The following TEX15 variants were observed in gnomAD, a reference collection of about 807,000 sequenced individuals.
The protein encoded by TEX15 is testis expressed 15, meiosis and synapsis associated, also known as testis-expressed protein 15.
In TEX15, 171 loss-of-function variants were observed where a neutral mutation model predicts 237.3. That is an observed-to-expected ratio of 0.72 (90% CI 0.64 to 0.82). TEX15 has a LOEUF of 0.82. Ranked by LOEUF, TEX15 falls within the 40% of genes least tolerant of loss-of-function variation. The pLI is 0.00. For missense variants in TEX15, 3,750 were observed against 3,646.5 expected (o/e 1.03, Z -0.73); for synonymous variants, 1,338 against 1,269.8 (o/e 1.05, Z -1.14).
chr8:30,895,285 G>A (rs1373158365), intron 2 of TEX15, among the ~76,000 whole-genome samples: 1 of 120,864 alleles, frequency 8.3e-6, no homozygotes, highest in East Asian at 2.5e-4. Flanking sequence ...GCGACAAAGC[G>A]AGACTCCATC....
chr8:30,836,267 T>C (rs1490164746), intron 10 of TEX15, among the ~76,000 whole-genome samples: 3 of 120,082 alleles, frequency 2.5e-5, no homozygotes, highest in Non-Finnish European at 3.2e-5. Flanking sequence ...CAGGCTGGAG[T>C]GCAGTGGCGG....
At chr8:30,878,648 A>C (rs1415037836) in intron 3 of TEX15, among the ~76,000 whole-genome samples, 1 of 151,916 alleles carries the variant, frequency 6.6e-6, no homozygotes, top group African/African-American at 2.4e-5. Context: ...CAGCCTCCCA[A>C]AGTGCTGGGA....
Position 30,849,037 on chromosome 8 carries a change from T to C in TEX15, c.1130A>G (p.His377Arg). 1 of 1,614,170 alleles carries C rather than the reference T, an allele frequency of 6.2e-7. No homozygotes were observed. The highest frequency in any genetic ancestry group is 8.5e-7 in the Non-Finnish European group (1 of 1,180,024). ...GGGCATAAGTGAAATGTCTGAATCA[T>C]GTGCAAGTACTTGAGAAGTGTCTCT... is the stretch of plus-strand genomic sequence containing the variant. ...EIRDTSQVLA[H>R]DSDISLMPSD... Residue 377 changes from histidine to arginine, a missense_variant, in exon 8 of 11, where the codon CAT becomes CGT. Physicochemically the swap from His to Arg is conservative, Grantham distance 29. Coordinates refer to ENST00000643185, the MANE Select transcript of TEX15 (RefSeq NM_001350162.2).
intron 1 of TEX15, among the ~76,000 whole-genome samples, chr8:30,903,350 G>A (rs1809041091): frequency 6.6e-6 from 1 of 152,180 alleles, no homozygotes; most frequent in Non-Finnish European, 1.5e-5. Context: ...TTTCATCACG[G>A]GGAAAAATCA....
intron 5 of TEX15, among the ~76,000 whole-genome samples, chr8:30,864,340 G>GT (rs1808112517): frequency 6.6e-6 from 1 of 150,902 alleles, no homozygotes; most frequent in Non-Finnish European, 1.5e-5. Flanking sequence ...ACCATCAAGC[G>GT]TAAGAACATA....
intron 10 of TEX15, 126 bp from the exon 11 acceptor site, chr8:30,833,449 T>C (rs1407312411): frequency 1.6e-6 from 1 of 635,742 alleles, no homozygotes; most frequent in African/African-American, 1.9e-5. Flanking sequence ...TGCCCTTAAG[T>C]AGCCATAGGG....
chr8:30,859,538 C>T (rs1210184475), intron 6 of TEX15, among the ~76,000 whole-genome samples: 1 of 152,048 alleles, frequency 6.6e-6, no homozygotes, highest in Non-Finnish European at 1.5e-5. Context: ...TCACCTCACC[C>T]ATCACTTTTT....
chr8:30,903,657 T>C (rs188566597), intron 1 of TEX15, among the ~76,000 whole-genome samples: 1 of 152,338 alleles, frequency 6.6e-6, no homozygotes, highest in Non-Finnish European at 1.5e-5. Context: ...GGATTACCTA[T>C]CCTTCTACAA....
intron 4 of TEX15, among the ~76,000 whole-genome samples, chr8:30,872,190 AC>A (rs773327327): frequency 6.6e-6 from 1 of 152,052 alleles, no homozygotes; most frequent in East Asian, 1.9e-4. Context: ...ATCAATTTCT[AC>A]CCCCAGATTG....
At chr8:30,860,851 G>T (rs1468091585) in intron 5 of TEX15, among the ~76,000 whole-genome samples, 2 of 151,960 alleles carry the variant, frequency 1.3e-5, no homozygotes. Flanking sequence ...GCGCCCAGCC[G>T]AGAATCTACT....
chr8:30,870,608 A>G (rs1211431143), intron 4 of TEX15, among the ~76,000 whole-genome samples: 1 of 152,070 alleles, frequency 6.6e-6, no homozygotes, highest in Non-Finnish European at 1.5e-5. Context: ...AGATAACTTA[A>G]TAATTTTCAA....
At chr8:30,869,724 C>T (rs1037578582) in intron 4 of TEX15, among the ~76,000 whole-genome samples, 1 of 152,002 alleles carries the variant, frequency 6.6e-6, no homozygotes, top group Non-Finnish European at 1.5e-5. Flanking sequence ...CTCCTATCTC[C>T]TTGTGAGTCT....
chr8:30,871,422 C>T (rs1187851640), intron 4 of TEX15, among the ~76,000 whole-genome samples: 1 of 152,072 alleles, frequency 6.6e-6, no homozygotes, highest in Non-Finnish European at 1.5e-5. Flanking sequence ...AAGAAGAAAG[C>T]TGGTAGCAAC....
At chr8:30,862,921 A>G (rs1280684369) in intron 5 of TEX15, among the ~76,000 whole-genome samples, 1 of 152,212 alleles carries the variant, frequency 6.6e-6, no homozygotes, top group Non-Finnish European at 1.5e-5. Flanking sequence ...AGTTGTAAAA[A>G]TAGTTCAGAG....
Position 30,842,491 on chromosome 8 carries a change from T to C in TEX15, c.7676A>G (p.Lys2559Arg), listed in dbSNP as rs1321801913. Residue 2559 changes from lysine (K) to arginine (R), a missense_variant, in exon 8 of 11, where the codon AAG becomes AGG. Lys to Arg is a conservative substitution (Grantham distance 26). Coordinates refer to ENST00000643185, the MANE Select transcript of TEX15 (RefSeq NM_001350162.2). ...GTCAATATATGTGGAAATAAAATAC[T>C]TGGACTTCTTCAGAAGCTTTTTTAT... ...SEIKKLLKKS[K>R]YFISTYIDFV... The C allele has an allele frequency of 6.2e-6, 10 of 1,612,882 alleles. No individual in the cohort carries two copies. The highest frequency in any genetic ancestry group is 4.4e-5 in the South Asian group (4 of 90,872).
chr8:30,847,613 T>C lies in TEX15; in HGVS notation c.2554A>G (p.Asn852Asp). ...NSQLSNDIWLNVNFKKQTDRE... is the reference protein window; with the variant it reads ...NSQLSNDIWLDVNFKKQTDRE... ...TCTGTTTGTTTTTTGAAATTAACAT[T>C]CAGCCATATATCATTGCTTAACTGT... is the stretch of plus-strand genomic sequence containing the variant. The change falls in exon 8 of 11, where the codon AAT (asparagine) becomes GAT (aspartate). Residue 852 changes from asparagine (N) to aspartate (D), a missense_variant. Coordinates refer to ENST00000643185, the MANE Select transcript of TEX15 (RefSeq NM_001350162.2). 1 of 1,613,182 alleles carries C rather than the reference T, an allele frequency of 6.2e-7. No homozygotes were observed. The highest frequency in any genetic ancestry group is 1.1e-5 in the South Asian group (1 of 90,870).
rs529687496 is a variant in TEX15, at chr8:30,899,353, C to G, written c.-85-536G>C. On this transcript the variant is annotated intron_variant, in intron 1 of 10. Transcript: ENST00000643185. Reference sequence around the variant, plus strand: ...GACTCAGAAAGGTTAAGAAACTTATCCGAGGTAACCAAACTGGTAAGTTGG... The same window carrying G: ...GACTCAGAAAGGTTAAGAAACTTATGCGAGGTAACCAAACTGGTAAGTTGG... Among the ~76,000 whole-genome samples the G allele has an allele frequency of 2.0e-5, 3 of 152,220 alleles. No homozygotes were observed. In the South Asian group the frequency reaches 6.2e-4, roughly 32 times the overall value.
chr8:30,844,635 C>T lies in TEX15; in HGVS notation c.5532G>A (p.Thr1844=), dbSNP rs776320472. The T allele has an allele frequency of 6.2e-6, 10 of 1,613,206 alleles. No individual in the cohort carries two copies. The highest frequency in any genetic ancestry group is 2.2e-5 in the East Asian group (1 of 44,874). ...CTTTTTCCGCTTGTTTAACTTTCCACGTTATTCTGTCCTCAGTGTCTTTCT... is the reference window on the plus strand; with the variant it reads ...CTTTTTCCGCTTGTTTAACTTTCCATGTTATTCTGTCCTCAGTGTCTTTCT... ...IVKKDTEDRI[T]WKVKQAEKAK... is the part of the protein sequence containing the mutation. Residue 1844 remains threonine, a synonymous_variant, in exon 8 of 11, where the codon ACG becomes ACA. Transcript: ENST00000643185.
At position 30,858,768 on chromosome 8, in the gene TEX15, T is replaced by C. The variant is rs1807971034; in HGVS notation, c.750A>G (p.Pro250=). ...KPVDKPRQCL[P]YAVVTVKFLG... ...GAAATTTTACTGTTACTACAGCATA[T>C]GGAAGACATTGCCTAGGTTTATCTA... is the stretch of plus-strand genomic sequence containing the variant. Residue 250 remains proline, a synonymous_variant, in exon 7 of 11, where the codon CCA becomes CCG. Coordinates refer to ENST00000643185, the MANE Select transcript of TEX15 (RefSeq NM_001350162.2). The C allele has an allele frequency of 2.0e-6, 3 of 1,535,510 alleles. No individual in the cohort carries two copies. Among genetic ancestry groups the C allele is most frequent in the Non-Finnish European group, 8.7e-7 (1 of 1,146,568 alleles).
Sources: gnomAD v4.1 joint callset for allele counts (sites outside exome capture counted in the v4.1 genomes callset) on GRCh38, gnomAD v4.1.1 for gene constraint, MANE v1.5 for transcripts, NCBI Gene and HGNC (gene_info 2026-07-23, HGNC 2026-07-21) for gene names.